Variants in ANK3 observed in about 807,000 individuals in gnomAD.
ANK3 encodes ankyrin-3.
In ANK3, 57 loss-of-function variants were observed where a neutral mutation model predicts 370.9. That is an observed-to-expected ratio of 0.15 (90% CI 0.12 to 0.19). The LOEUF is 0.19. Ranked by LOEUF, ANK3 falls within the 10% of genes least tolerant of loss-of-function variation. ANK3 has a pLI of 1.00. For missense variants in ANK3, 4,439 were observed against 5,302.1 expected, an observed-to-expected ratio of 0.84 and a Z score of 5.06; for synonymous variants, 1,929 against 1,946.3, an observed-to-expected ratio of 0.99 and a Z score of 0.23.
At chr10:60,521,394 A>C (rs1275894785) in intron 2 of ANK3, among the ~76,000 whole-genome samples, 2 of 152,170 alleles carry the variant, frequency 1.3e-5, no homozygotes, top group Non-Finnish European at 2.9e-5. Flanking sequence ...TCTACCTAGA[A>C]GCTATTAGCT....
rs191435299 is a variant in ANK3, at chr10:60,625,669, T to C, written c.58-10445A>G. ...TCCTATCTCCATTATTTCTGGCTTA[T>C]TAATATCTACAATCTCATCCTGTTT... is the stretch of plus-strand genomic sequence containing the variant. On this transcript the variant is annotated intron_variant, in intron 1 of 43. Transcript: ENST00000373827. Among the ~76,000 whole-genome samples the C allele has an allele frequency of 4.9e-3, 739 of 152,312 alleles. 7 individuals are homozygous for C. The highest frequency in any genetic ancestry group is 5.1e-3 in the Non-Finnish European group (347 of 68,024).
At chr10:60,030,179 G>A (rs1471690702) in intron 43 of ANK3, among the ~76,000 whole-genome samples, 1 of 152,026 alleles carries the variant, frequency 6.6e-6, no homozygotes, top group Admixed American at 6.5e-5. Context: ...GTCTTGCTCT[G>A]TTGCCCAGGC....
intron 2 of ANK3, among the ~76,000 whole-genome samples, chr10:60,482,844 T>A (rs980356575): frequency 6.6e-6 from 1 of 151,924 alleles, no homozygotes; most frequent in East Asian, 1.9e-4. Flanking sequence ...GCAAAAAGAC[T>A]TAAGATTTCA....
chr10:60,471,626 C>G (rs2065221706), intron 2 of ANK3, among the ~76,000 whole-genome samples: 1 of 152,046 alleles, frequency 6.6e-6, no homozygotes, highest in Non-Finnish European at 1.5e-5. Flanking sequence ...ATTGTTTGAT[C>G]AAACACTATA....
chr10:60,329,846 G>A (rs540246759), intron 1 of ANK3, among the ~76,000 whole-genome samples: 2 of 152,246 alleles, frequency 1.3e-5, no homozygotes, highest in Non-Finnish European at 2.9e-5. Flanking sequence ...TAAGCAAAAA[G>A]TACAAAGCTG....
At chr10:60,530,207 A>G (rs1404753989) in intron 2 of ANK3, among the ~76,000 whole-genome samples, 4 of 152,130 alleles carry the variant, frequency 2.6e-5, no homozygotes, top group South Asian at 2.1e-4. Flanking sequence ...GGATCTTCCT[A>G]TTTAAGTCAG....
In ANK3 at chr10:60,110,359, C is replaced by T. The variant is rs1010221243; in HGVS notation, c.2949-1305G>A. Among the ~76,000 whole-genome samples the T allele has an allele frequency of 2.0e-5, 3 of 152,206 alleles. No homozygotes were observed. The East Asian group carries it at 5.8e-4, about 29-fold the overall frequency. On this transcript the variant is annotated intron_variant, in intron 26 of 43. Coordinates refer to ENST00000280772, the MANE Select transcript of ANK3 (RefSeq NM_020987.5). ...TCAGATTCCTAGAACCAACTCTGCT[C>T]ATCAGTAAGGTGGACTCGTCTTCAT...
intron 43 of ANK3, among the ~76,000 whole-genome samples, chr10:60,039,381 A>G (rs759336733): frequency 2.6e-4 from 40 of 152,166 alleles, no homozygotes; most frequent in Non-Finnish European, 4.9e-4. Context: ...CCTTGCCATG[A>G]CCTCACAAAT....
At chr10:60,137,262 A>G (rs2094385930) in intron 24 of ANK3, 1 of 297,810 alleles carries the variant, frequency 3.4e-6, no homozygotes, top group Admixed American at 4.5e-5. Context: ...ACATCACATT[A>G]CAATGCTAAA....
chr10:60,639,859 T>G (rs982613449), intron 1 of ANK3, among the ~76,000 whole-genome samples: 2 of 151,984 alleles, frequency 1.3e-5, no homozygotes, highest in Non-Finnish European at 2.9e-5. Context: ...AACCAAATCA[T>G]ATCAGTAATT....
chr10:60,572,623 G>A, intron 2 of ANK3: 1 of 1,496,682 alleles, frequency 6.7e-7, no homozygotes, highest in Non-Finnish European at 8.8e-7. Flanking sequence ...TGAGACCAAA[G>A]TCCATTTACG....
intron 2 of ANK3, among the ~76,000 whole-genome samples, chr10:60,473,643 GACTA>G (rs927706131): frequency 3.3e-5 from 5 of 152,142 alleles, no homozygotes; most frequent in Non-Finnish European, 7.4e-5. Context: ...CTGAATGAAT[GACTA>G]ACGTGACTTC....
At chr10:60,259,223 C>T (rs1001653876) in intron 7 of ANK3, among the ~76,000 whole-genome samples, 2 of 152,118 alleles carry the variant, frequency 1.3e-5, no homozygotes, top group Non-Finnish European at 2.9e-5. Flanking sequence ...CTGGCAGTTG[C>T]CTCAGTTTAA....
chr10:60,046,176 C>T (rs1041387715), intron 42 of ANK3, among the ~76,000 whole-genome samples: 3 of 152,030 alleles, frequency 2.0e-5, no homozygotes, highest in African/African-American at 2.4e-5. Flanking sequence ...ATTTGCAACA[C>T]GTTTTTAATG....
intron 1 of ANK3, among the ~76,000 whole-genome samples, chr10:60,382,027 C>T (rs1403795808): frequency 6.6e-6 from 1 of 152,154 alleles, no homozygotes; most frequent in Non-Finnish European, 1.5e-5. Context: ...CTTTCTTTCA[C>T]TGTATAGATG....
intron 8 of ANK3, among the ~76,000 whole-genome samples, chr10:60,223,715 C>T (rs926378173): frequency 1.4e-4 from 22 of 152,056 alleles, no homozygotes; most frequent in African/African-American, 5.1e-4. Flanking sequence ...TATTAAAATA[C>T]CTTATTTTTC....
At chr10:60,217,064 T>C (rs997338458) in intron 8 of ANK3, among the ~76,000 whole-genome samples, 1 of 152,212 alleles carries the variant, frequency 6.6e-6, no homozygotes, top group Non-Finnish European at 1.5e-5. Flanking sequence ...AAGGTGTTTA[T>C]AGTATTTGCT....
At chr10:60,518,843 G>A (rs181048966) in intron 2 of ANK3, among the ~76,000 whole-genome samples, 36 of 152,226 alleles carry the variant, frequency 2.4e-4, no homozygotes, top group African/African-American at 8.2e-4. Context: ...TCTGGCTTGC[G>A]ATGCCTGAAG....
Position 60,384,965 on chromosome 10 carries a change from A to C in ANK3, c.114+4460T>G, listed in dbSNP as rs546552744. 2.0e-5 allele frequency among the ~76,000 whole-genome samples: 3 copies of C among 152,148 alleles called. No individual in the cohort carries two copies. The South Asian group carries it at 6.2e-4, about 32-fold the overall frequency. On this transcript the variant is annotated intron_variant, in intron 1 of 43. Coordinates refer to ENST00000280772, the MANE Select transcript of ANK3 (RefSeq NM_020987.5). Reference sequence around the variant, plus strand: ...GTCTCCACCTTGGTTCACACTCAGCATTTCGTGCCTGGATCCCCATCAGAG... The same window carrying C: ...GTCTCCACCTTGGTTCACACTCAGCCTTTCGTGCCTGGATCCCCATCAGAG...
Sources: gnomAD v4.1 joint callset for allele counts (sites outside exome capture counted in the v4.1 genomes callset) on GRCh38, gnomAD v4.1.1 for gene constraint, MANE v1.5 for transcripts, NCBI Gene and HGNC (gene_info 2026-07-23, HGNC 2026-07-21) for gene names.